RTL4: variants seen among roughly 807,000 people sequenced by gnomAD.
RTL4 encodes retrotransposon Gag like 4, also known as retrotransposon Gag-like protein 4.
A neutral mutation model predicts 5.3 loss-of-function variants in RTL4; 4 were observed. The ratio of observed to expected loss-of-function variants is 0.75; its 90% CI spans 0.37 to 1.72. The LOEUF (loss-of-function observed/expected upper bound fraction) is 1.72, where lower values mean the gene tolerates loss of function less well. RTL4 is among the 40% of genes most tolerant of loss of function. The pLI, the probability that RTL4 is intolerant of heterozygous loss-of-function variation, is 0.04. For missense variants in RTL4, 260 were observed against 227.1 expected, an observed-to-expected ratio of 1.14 and a Z score of -0.93; for synonymous variants, 98 against 87.3, an observed-to-expected ratio of 1.12 and a Z score of -0.68.
chrX:112,087,851 G>T, the RTL4 span, among the ~76,000 whole-genome samples: 1 of 111,456 alleles, frequency 9.0e-6, no homozygotes, highest in African/African-American at 3.3e-5. Flanking sequence ...CTCACTAACT[G>T]CTAATTTCCT....
chrX:112,084,700 C>T, the RTL4 span, among the ~76,000 whole-genome samples: 1 of 111,057 alleles, frequency 9.0e-6, no homozygotes, highest in African/African-American at 3.3e-5. Context: ...TTTAGCCAAA[C>T]TGCAGTCCAG....
chrX:112,412,384 C>T, the RTL4 span, among the ~76,000 whole-genome samples: 5 of 110,639 alleles, frequency 4.5e-5, no homozygotes, highest in Non-Finnish European at 7.6e-5. Context: ...CGCAAAAGAC[C>T]CAGAATAGCC....
At chrX:112,454,248 A>G (rs1044988906), upstream of RTL4, among the ~76,000 whole-genome samples, 3 of 111,420 alleles carry the variant, frequency 2.7e-5, no homozygotes, top group South Asian at 3.8e-4. Context: ...ATCACAAAAA[A>G]TCTCATAATG....
chrX:112,216,021 A>G, the RTL4 span, among the ~76,000 whole-genome samples: 1 of 111,579 alleles, frequency 9.0e-6, no homozygotes, highest in Admixed American at 9.6e-5. Flanking sequence ...TATCTGTCAA[A>G]TGTTTTCCTT....
At chrX:112,395,716 G>A in the RTL4 span, among the ~76,000 whole-genome samples, 10 of 111,255 alleles carry the variant, frequency 9.0e-5, no homozygotes, top group Admixed American at 1.9e-4. Flanking sequence ...TGTCAAAGTG[G>A]TGCATAAACG....
At chrX:112,391,484 G>A in the RTL4 span, among the ~76,000 whole-genome samples, 1 of 110,785 alleles carries the variant, frequency 9.0e-6, no homozygotes, top group Admixed American at 9.7e-5. Context: ...ACAGTCAATG[G>A]TCTATTTTTA....
the RTL4 span, among the ~76,000 whole-genome samples, chrX:112,426,691 T>C: frequency 1.8e-5 from 2 of 111,328 alleles, no homozygotes; most frequent in Non-Finnish European, 3.8e-5. Flanking sequence ...TGCTGTTATA[T>C]AGGAAAGCAG....
At chrX:112,102,227 C>T in the RTL4 span, among the ~76,000 whole-genome samples, 1 of 111,463 alleles carries the variant, frequency 9.0e-6, no homozygotes, top group Non-Finnish European at 1.9e-5. Flanking sequence ...TAGATAAACG[C>T]ATGAGAGTTT....
chrX:112,321,380 A>G, the RTL4 span, among the ~76,000 whole-genome samples: 5 of 109,913 alleles, frequency 4.5e-5, no homozygotes, highest in Non-Finnish European at 9.5e-5. Flanking sequence ...TACTAAAAAT[A>G]CAAAAATTCG....
the RTL4 span, among the ~76,000 whole-genome samples, chrX:112,295,644 T>TA: frequency 8.9e-6 from 1 of 112,449 alleles, no homozygotes; most frequent in Non-Finnish European, 1.9e-5. Flanking sequence ...AATTCAGTGC[T>TA]ATGAGCCTTC....
the RTL4 span, among the ~76,000 whole-genome samples, chrX:112,142,317 G>T: frequency 8.9e-6 from 1 of 112,517 alleles, no homozygotes; most frequent in African/African-American, 3.2e-5. Flanking sequence ...TGTCCTCAGT[G>T]TGTCTGTCTT....
the RTL4 span, among the ~76,000 whole-genome samples, chrX:112,437,789 AGTGGTGGTGGTGATGGTGGTGGTG>A: frequency 0.012 from 887 of 72,505 alleles, 41 homozygotes; most frequent in Admixed American, 0.13. Context: ...AAGTCATGGT[AGTGGTGGTGGTGATGGTGGTGGTG>A]GTGGTGGTGG....
At chrX:112,211,642 A>G in the RTL4 span, among the ~76,000 whole-genome samples, 2 of 112,234 alleles carry the variant, frequency 1.8e-5, no homozygotes, top group Non-Finnish European at 3.8e-5. Context: ...CTGGCAGCCC[A>G]CAATGACTCA....
the RTL4 span, among the ~76,000 whole-genome samples, chrX:112,158,607 G>A: frequency 2.7e-5 from 3 of 110,522 alleles, no homozygotes; most frequent in Admixed American, 9.7e-5. Context: ...ACTAAATTAT[G>A]ATATATGATG....
the RTL4 span, among the ~76,000 whole-genome samples, chrX:112,426,321 T>C: frequency 9.0e-6 from 1 of 111,619 alleles, no homozygotes; most frequent in African/African-American, 3.2e-5. Flanking sequence ...GTTATCTTTA[T>C]ATTAAAATTT....
chrX:112,431,430 C>A, the RTL4 span, among the ~76,000 whole-genome samples: 14 of 111,484 alleles, frequency 1.3e-4, no homozygotes, highest in Non-Finnish European at 2.1e-4. Context: ...AATGTGGAAG[C>A]CCCATGACAG....
chrX:112,406,998 T>C, the RTL4 span, among the ~76,000 whole-genome samples: 1 of 109,869 alleles, frequency 9.1e-6, no homozygotes, highest in African/African-American at 3.3e-5. Flanking sequence ...TAATCAGCAG[T>C]GATACCCAGA....
At chrX:112,401,718 CT>C in the RTL4 span, among the ~76,000 whole-genome samples, 1 of 110,621 alleles carries the variant, frequency 9.0e-6, no homozygotes, top group Non-Finnish European at 1.9e-5. Context: ...AACTAGCTGC[CT>C]TCACCTCAAA....
chrX:112,414,503 GA>G, the RTL4 span, among the ~76,000 whole-genome samples: 2 of 111,408 alleles, frequency 1.8e-5, no homozygotes, highest in South Asian at 7.5e-4. Flanking sequence ...GGTATAAGAA[GA>G]AAATTGTGAT....
Sources: gnomAD v4.1 joint callset for allele counts (sites outside exome capture counted in the v4.1 genomes callset) on GRCh38, gnomAD v4.1.1 for gene constraint, MANE v1.5 for transcripts, NCBI Gene and HGNC (gene_info 2026-07-23, HGNC 2026-07-21) for gene names.